Variants in CFAP299 observed in about 807,000 individuals in gnomAD.
The protein encoded by CFAP299 is cilia- and flagella-associated protein 299.
A neutral mutation model predicts 27.0 loss-of-function variants in CFAP299; 21 were observed. That is an observed-to-expected ratio of 0.78 (90% CI 0.55 to 1.12). The LOEUF is 1.12. Ranked by LOEUF, CFAP299 falls within the 50% of genes most tolerant of loss-of-function variation. The pLI, the probability that CFAP299 is intolerant of heterozygous loss-of-function variation, is 0.00. For synonymous variants in CFAP299, 104 were observed against 98.1 expected (o/e 1.06, Z -0.36); for missense variants, 310 against 276.6 (o/e 1.12, Z -0.86).
chr4:80,589,802 G>A (rs900099575), intron 3 of CFAP299, among the ~76,000 whole-genome samples: 8 of 152,160 alleles, frequency 5.3e-5, no homozygotes, highest in Non-Finnish European at 1.2e-4. Context: ...TACTTCAAAT[G>A]CAAGTGAGAT....
chr4:80,724,737 C>A (rs1723046100), intron 3 of CFAP299, among the ~76,000 whole-genome samples: 1 of 152,096 alleles, frequency 6.6e-6, no homozygotes, highest in Non-Finnish European at 1.5e-5. Flanking sequence ...CAATAACTTT[C>A]TGAATATTTC....
intron 3 of CFAP299, among the ~76,000 whole-genome samples, chr4:80,746,969 C>T (rs1335110565): frequency 2.0e-5 from 3 of 151,866 alleles, no homozygotes; most frequent in Admixed American, 1.3e-4. Flanking sequence ...AAGGATTGGC[C>T]TTTGTATCCA....
chr4:80,557,543 T>C (rs2110216855), intron 2 of CFAP299, among the ~76,000 whole-genome samples: 1 of 152,252 alleles, frequency 6.6e-6, no homozygotes, highest in South Asian at 2.1e-4. Flanking sequence ...CTGCCATCAG[T>C]ACTTCAAAGC....
chr4:80,343,472 A>G (rs1445659798), intron 1 of CFAP299, among the ~76,000 whole-genome samples: 2 of 152,208 alleles, frequency 1.3e-5, no homozygotes. Context: ...ATAACAGTCT[A>G]TCAGACCACA....
At chr4:80,603,473 T>C (rs1169127119) in intron 3 of CFAP299, among the ~76,000 whole-genome samples, 1 of 152,122 alleles carries the variant, frequency 6.6e-6, no homozygotes, top group African/African-American at 2.4e-5. Flanking sequence ...ATAATAGCTA[T>C]CGCTGAGTGC....
chr4:80,824,767 AAAAC>A (rs775581983), intron 3 of CFAP299, among the ~76,000 whole-genome samples: 1 of 152,122 alleles, frequency 6.6e-6, no homozygotes, highest in Non-Finnish European at 1.5e-5. Flanking sequence ...ATGAAGACAA[AAAAC>A]AAACAAAAAC....
intron 3 of CFAP299, among the ~76,000 whole-genome samples, chr4:80,757,682 C>T (rs1277867346): frequency 1.3e-5 from 2 of 151,070 alleles, no homozygotes; most frequent in African/African-American, 2.4e-5. Flanking sequence ...CTCTTTTTCA[C>T]AAAGTCAGGT....
intron 2 of CFAP299, among the ~76,000 whole-genome samples, chr4:80,551,012 G>T (rs11938133): frequency 0.011 from 1,685 of 152,238 alleles, 32 homozygotes; most frequent in South Asian, 0.077. Context: ...GGGCCATGCT[G>T]CTGGTAGCTC....
chr4:80,853,282 C>T (rs1307262915), intron 3 of CFAP299, among the ~76,000 whole-genome samples: 2 of 152,156 alleles, frequency 1.3e-5, no homozygotes, highest in South Asian at 4.1e-4. Flanking sequence ...TCACCCGCCT[C>T]GACCTCCCAA....
intron 5 of CFAP299, among the ~76,000 whole-genome samples, chr4:80,958,700 C>T (rs924423999): frequency 6.6e-6 from 1 of 152,176 alleles, no homozygotes; most frequent in African/African-American, 2.4e-5. Context: ...TTAATTCCTA[C>T]TCTGCTGAAT....
chr4:80,954,131 G>A (rs762295994), intron 5 of CFAP299, among the ~76,000 whole-genome samples: 1 of 152,266 alleles, frequency 6.6e-6, no homozygotes, highest in East Asian at 1.9e-4. Context: ...CAAAATAATT[G>A]TTTCCTCTAT....
intron 3 of CFAP299, among the ~76,000 whole-genome samples, chr4:80,616,081 C>T (rs1037388010): frequency 6.6e-6 from 1 of 152,110 alleles, no homozygotes; most frequent in African/African-American, 2.4e-5. Context: ...TTAACTTCAC[C>T]TAAAAATTTA....
At chr4:80,690,745 G>C (rs1467286768) in intron 3 of CFAP299, among the ~76,000 whole-genome samples, 2 of 151,718 alleles carry the variant, frequency 1.3e-5, no homozygotes, top group African/African-American at 4.8e-5. Flanking sequence ...AAAAATTAAT[G>C]AATCCAGGAG....
At chr4:80,889,173 T>C (rs1734121686) in intron 4 of CFAP299, among the ~76,000 whole-genome samples, 1 of 150,778 alleles carries the variant, frequency 6.6e-6, no homozygotes. Context: ...AACAAAACAA[T>C]ACAAGAGATC....
chr4:80,469,354 A>G (rs112438874), intron 2 of CFAP299, among the ~76,000 whole-genome samples: 2 of 152,208 alleles, frequency 1.3e-5, no homozygotes, highest in African/African-American at 4.8e-5. Flanking sequence ...TTTAGGAGTA[A>G]CAAAGGATAC....
intron 3 of CFAP299, among the ~76,000 whole-genome samples, chr4:80,772,507 TCTA>T (rs2110084787): frequency 6.6e-6 from 1 of 152,220 alleles, no homozygotes; most frequent in African/African-American, 2.4e-5. Flanking sequence ...AGATTATATA[TCTA>T]TAATAACTTG....
chr4:80,384,770 A>T (rs983069159), intron 2 of CFAP299, among the ~76,000 whole-genome samples: 1 of 151,904 alleles, frequency 6.6e-6, no homozygotes, highest in African/African-American at 2.4e-5. Flanking sequence ...CATTCCCACC[A>T]CCTTTCTAAT....
In CFAP299 at chr4:80,789,736, T is replaced by C. The variant is rs558026179; in HGVS notation, c.334-80257T>C. On this transcript the variant is annotated intron_variant, in intron 3 of 5. Coordinates refer to ENST00000358105, the MANE Select transcript of CFAP299 (RefSeq NM_152770.3). ...GAAAATAAGTCTTAGGAAGCTGTTTTGAGGACCTACCCTTGACCGCAATTC... is the reference window on the plus strand; with the variant it reads ...GAAAATAAGTCTTAGGAAGCTGTTTCGAGGACCTACCCTTGACCGCAATTC... Among the ~76,000 whole-genome samples, 44 of 152,128 alleles carry C rather than the reference T, an allele frequency of 2.9e-4. 1 individual carries two copies. Among genetic ancestry groups the C allele is most frequent in the African/African-American group, 1.0e-3 (42 of 41,556 alleles).
In CFAP299 at chr4:80,413,901, G is replaced by GA. The variant is rs1359143286; in HGVS notation, c.242+51024dup. Among the ~76,000 whole-genome samples, 13 of 151,714 alleles carry GA rather than the reference G, an allele frequency of 8.6e-5. No individual in the cohort carries two copies. In the East Asian group the frequency reaches 1.4e-3, roughly 16 times the overall value. On this transcript the variant is annotated intron_variant, in intron 2 of 5. Coordinates refer to ENST00000358105, the MANE Select transcript of CFAP299 (RefSeq NM_152770.3). ...GAGTCATAATTGCAAATTTCCAGGA[G>GA]AAAAAAATGTGATTGACCCAGTTTC...
Sources: gnomAD v4.1 joint callset for allele counts (sites outside exome capture counted in the v4.1 genomes callset) on GRCh38, gnomAD v4.1.1 for gene constraint, MANE v1.5 for transcripts, NCBI Gene and HGNC (gene_info 2026-07-23, HGNC 2026-07-21) for gene names.